Variants in PRKCA observed in about 807,000 individuals in gnomAD.
The protein encoded by PRKCA is protein kinase C alpha type.
PRKCA carries 27 observed loss-of-function variants against 87.0 expected under a neutral mutation model. That is an observed-to-expected ratio of 0.31 (90% CI 0.23 to 0.43). The LOEUF (loss-of-function observed/expected upper bound fraction) is 0.43, where lower values mean the gene tolerates loss of function less well. Among genes scored for constraint, PRKCA ranks in the 20% least tolerant of loss-of-function variants. The probability of loss-of-function intolerance (pLI) is 1.00; values close to 1 mark genes in which losing one functional copy is unlikely to be tolerated. For synonymous variants in PRKCA, 329 were observed against 311.1 expected, an observed-to-expected ratio of 1.06 and a Z score of -0.61; for missense variants, 518 against 852.3, an observed-to-expected ratio of 0.61 and a Z score of 4.88.
intron 9 of PRKCA, 32 bp from the exon 10 acceptor site, chr17:66,735,457 A>G: frequency 6.2e-7 from 1 of 1,613,960 alleles, no homozygotes. Context: ...ATGTGCTTAC[A>G]AGTGTTCAGG....
chr17:66,705,137 CTTAA>C (rs1372531915), intron 8 of PRKCA, among the ~76,000 whole-genome samples: 1 of 152,100 alleles, frequency 6.6e-6, no homozygotes, highest in Non-Finnish European at 1.5e-5. Flanking sequence ...AAATAGCTTA[CTTAA>C]TTACTTCCTT....
At chr17:66,550,697 A>G (rs1968299227) in intron 3 of PRKCA, among the ~76,000 whole-genome samples, 2 of 152,108 alleles carry the variant, frequency 1.3e-5, no homozygotes. Context: ...AATGGGAAAG[A>G]TTCTCCAGTG....
At position 66,704,159 on chromosome 17, in the gene PRKCA, TAAAAA is replaced by T. The variant is rs60117629; in HGVS notation, c.918+15124_918+15128del. ...TCTACATTTATAATCTCAGCAAAGTTAAAAAAAAAAAAAAAACAGGAATAGGTTAA... is the reference window on the plus strand; with the variant it reads ...TCTACATTTATAATCTCAGCAAAGTTAAAAAAAAAAACAGGAATAGGTTAA... On this transcript the variant is annotated intron_variant, in intron 8 of 16. Coordinates refer to ENST00000413366, the MANE Select transcript of PRKCA (RefSeq NM_002737.3). 1.6e-3 allele frequency among the ~76,000 whole-genome samples: 225 copies of T among 140,904 alleles called. 1 individual carries two copies. Among genetic ancestry groups the T allele is most frequent in the Middle Eastern group, 3.2e-3 (1 of 310 alleles). The allele number at this position is 140,904 out of a possible 152,430, so 92.4% of individuals were successfully genotyped here.
intron 2 of PRKCA, among the ~76,000 whole-genome samples, chr17:66,422,672 A>T (rs1912556432): frequency 6.6e-6 from 1 of 152,214 alleles, no homozygotes; most frequent in South Asian, 2.1e-4. Context: ...CAGCAGCATC[A>T]TGCAATCTAG....
At position 66,742,752 on chromosome 17, in the gene PRKCA, G is replaced by A. The variant is rs750145950; in HGVS notation, c.1516G>A (p.Ala506Thr). ...CTTCTGTGGGACTCCAGATTATATCGCCCCAGAGGTAGGAACCCCAGTGAT... is the reference window on the plus strand; with the variant it reads ...CTTCTGTGGGACTCCAGATTATATCACCCCAGAGGTAGGAACCCCAGTGAT... Reference protein sequence around the residue: ...RTFCGTPDYIAPEIIAYQPYG... With the variant: ...RTFCGTPDYITPEIIAYQPYG... The change falls in exon 13 of 17, where the codon GCC becomes ACC. Residue 506 changes from alanine (A) to threonine (T), a missense_variant. By Grantham distance (58) the Ala-to-Thr change is moderately conservative (BLOSUM62 0). Transcript: ENST00000413366. 8 of 1,613,606 alleles carry A rather than the reference G, an allele frequency of 5.0e-6. No individual in the cohort carries two copies. The highest frequency in any genetic ancestry group is 5.9e-6 in the Non-Finnish European group (7 of 1,179,946).
At chr17:66,384,406 C>T (rs930784331) in intron 2 of PRKCA, among the ~76,000 whole-genome samples, 1 of 152,166 alleles carries the variant, frequency 6.6e-6, no homozygotes, top group African/African-American at 2.4e-5. Flanking sequence ...GATTTTCTCG[C>T]ACATTTCCTA....
chr17:66,515,518 A>G (rs562118218), intron 3 of PRKCA, among the ~76,000 whole-genome samples: 4 of 152,246 alleles, frequency 2.6e-5, no homozygotes, highest in African/African-American at 9.6e-5. Context: ...AAAGGAGACA[A>G]GGATGAGGAA....
At chr17:66,777,868 T>C (rs1184248537) in intron 14 of PRKCA, 2 of 985,192 alleles carry the variant, frequency 2.0e-6, no homozygotes, top group South Asian at 4.7e-5. Context: ...TGCAGGAAAG[T>C]CCTCCTCCCT....
At chr17:66,752,658 G>T (rs1217901948) in intron 13 of PRKCA, among the ~76,000 whole-genome samples, 1 of 152,192 alleles carries the variant, frequency 6.6e-6, no homozygotes, top group Non-Finnish European at 1.5e-5. Context: ...CCCGGCAGGT[G>T]GACTCCTTGC....
rs562540274 is a variant in PRKCA at position 66,316,225 on chromosome 17, G to C, written c.205+10098G>C. ...CCACTGACCTCCAAATGGAAGAACA[G>C]ATAGGAAAAATATGTAGGGAGCTAC... On this transcript the variant is annotated intron_variant, in intron 2 of 16. Transcript: ENST00000413366. 2.0e-5 allele frequency among the ~76,000 whole-genome samples: 3 copies of C among 152,270 alleles called. No homozygotes were observed. The South Asian group carries it at 6.2e-4, about 32-fold the overall frequency.
intron 8 of PRKCA, among the ~76,000 whole-genome samples, chr17:66,727,063 C>T (rs1050654335): frequency 2.0e-5 from 3 of 152,092 alleles, no homozygotes; most frequent in Non-Finnish European, 4.4e-5. Context: ...GCGAGAGCAA[C>T]GGGACATCTT....
intron 2 of PRKCA, among the ~76,000 whole-genome samples, chr17:66,469,074 T>G (rs1228472793): frequency 6.6e-6 from 1 of 152,162 alleles, no homozygotes; most frequent in East Asian, 1.9e-4. Context: ...TACAGATGCC[T>G]TATTCCCTCG....
intron 2 of PRKCA, among the ~76,000 whole-genome samples, chr17:66,343,317 T>C (rs1567781123): frequency 6.6e-6 from 1 of 152,238 alleles, no homozygotes; most frequent in Non-Finnish European, 1.5e-5. Context: ...CTCTCTGCCA[T>C]GCTTAGCTTT....
chr17:66,771,770 A>G (rs1406608966), intron 13 of PRKCA, among the ~76,000 whole-genome samples: 4 of 151,976 alleles, frequency 2.6e-5, no homozygotes, highest in Non-Finnish European at 5.9e-5. Flanking sequence ...TAATTTTTGT[A>G]TTTATAGTAG....
intron 13 of PRKCA, among the ~76,000 whole-genome samples, chr17:66,755,230 C>A (rs1974520928): frequency 6.6e-6 from 1 of 152,298 alleles, no homozygotes; most frequent in African/African-American, 2.4e-5. Context: ...CGCAGAAAAT[C>A]GCACCCCACG....
At chr17:66,468,321 GTC>G (rs1177795019) in intron 2 of PRKCA, among the ~76,000 whole-genome samples, 2 of 152,198 alleles carry the variant, frequency 1.3e-5, no homozygotes, top group African/African-American at 2.4e-5. Context: ...ATCACAGGGT[GTC>G]TCTGTCACTG....
chr17:66,608,245 CT>C (rs1440957552), intron 3 of PRKCA, among the ~76,000 whole-genome samples: 1 of 152,140 alleles, frequency 6.6e-6, no homozygotes, highest in Non-Finnish European at 1.5e-5. Context: ...AGTGTTCCCA[CT>C]TACCTAATCA....
At chr17:66,397,243 G>A (rs1040090989) in intron 2 of PRKCA, among the ~76,000 whole-genome samples, 6 of 146,640 alleles carry the variant, frequency 4.1e-5, no homozygotes, top group Non-Finnish European at 7.4e-5. Flanking sequence ...GGGATTACAG[G>A]CATGAGCCAG....
At chr17:66,769,570 C>G (rs991146147) in intron 13 of PRKCA, among the ~76,000 whole-genome samples, 3 of 152,158 alleles carry the variant, frequency 2.0e-5, no homozygotes, top group African/African-American at 7.2e-5. Context: ...GCTGCACAAG[C>G]TTTTCTCCCT....
Sources: allele counts gnomAD v4.1 joint callset (sites outside exome capture counted in the v4.1 genomes callset), GRCh38; gene constraint gnomAD v4.1.1; transcripts MANE v1.5; gene names NCBI Gene and HGNC (gene_info 2026-07-23, HGNC 2026-07-21).